The following PAH variants were observed in gnomAD, a reference collection of about 807,000 sequenced individuals.
PAH encodes phenylalanine hydroxylase.
PAH carries 64 observed loss-of-function variants against 62.0 expected under a neutral mutation model. The ratio of observed to expected loss-of-function variants is 1.03; its 90% CI spans 0.84 to 1.27. PAH has a LOEUF of 1.27. Among genes scored for constraint, PAH ranks in the 50% most tolerant of loss-of-function variants. The pLI is 0.00. For synonymous variants in PAH, 195 were observed against 196.2 expected (o/e 0.99, Z 0.05); for missense variants, 579 against 542.8 (o/e 1.07, Z -0.66).
At chr12:102,850,331 A>G (rs1875089006) in intron 8 of PAH, among the ~76,000 whole-genome samples, 1 of 152,226 alleles carries the variant, frequency 6.6e-6, no homozygotes, top group East Asian at 1.9e-4. Flanking sequence ...GAGAGGCTGC[A>G]TCTTACAAGT....
intron 1 of PAH, among the ~76,000 whole-genome samples, chr12:102,934,905 T>A (rs1368572982): frequency 1.3e-5 from 2 of 152,146 alleles, no homozygotes; most frequent in Non-Finnish European, 1.5e-5. Flanking sequence ...ATGCCTTTTA[T>A]TTCTTTCTCT....
intron 5 of PAH, among the ~76,000 whole-genome samples, chr12:102,861,705 A>G (rs909198174): frequency 3.9e-5 from 6 of 152,180 alleles, no homozygotes; most frequent in Admixed American, 3.9e-4. Flanking sequence ...ACTGGAAACC[A>G]TCATTCTCAG....
At chr12:102,940,827 C>G (rs1048060445) in intron 1 of PAH, among the ~76,000 whole-genome samples, 2 of 152,068 alleles carry the variant, frequency 1.3e-5, no homozygotes, top group African/African-American at 4.8e-5. Context: ...CAGAGAACCT[C>G]TGATATACTA....
Position 102,855,172 on chromosome 12 carries a change from T to C in PAH, c.670A>G (p.Ile224Val). The change falls in exon 6 of 13, where the codon ATT becomes GTT. Residue 224 changes from isoleucine (I) to valine (V), a missense_variant. Physicochemically the swap from Ile to Val is conservative, Grantham distance 29 (BLOSUM62 3). Coordinates refer to ENST00000553106, the MANE Select transcript of PAH (RefSeq NM_000277.3). ...TGAGAAACGTCTTCCAGCTGGGGAA[T>C]GTTATCTTCATGGAAGCCACAGTAC... is the stretch of plus-strand genomic sequence containing the variant. ...EKYCGFHEDN[I>V]PQLEDVSQFL... 3 of 1,614,202 alleles carry C rather than the reference T, an allele frequency of 1.9e-6. No individual in the cohort carries two copies. The highest frequency in any genetic ancestry group is 1.1e-5 in the South Asian group (1 of 91,080).
chr12:102,955,289 C>T (rs1037513074), upstream of PAH, among the ~76,000 whole-genome samples: 3 of 152,210 alleles, frequency 2.0e-5, no homozygotes, highest in Admixed American at 6.5e-5. Flanking sequence ...TGCTGGCTAC[C>T]AGCAAATTTT....
At position 102,854,906 on chromosome 12, in the gene PAH, A is replaced by ATC. The variant is rs1875338427; in HGVS notation, c.706+228_706+229dup. 11 of 599,006 alleles carry ATC rather than the reference A, an allele frequency of 1.8e-5. No individual in the cohort carries two copies. In the South Asian group the frequency reaches 2.1e-4, roughly 11 times the overall value. The allele number at this position is 599,006 out of a possible 1,614,324, so 37.1% of individuals were successfully genotyped here. A position where few individuals can be genotyped will look rare whatever the true frequency, so the allele number is the denominator to read the frequency against. ...TTTTCAGGGACAGGTACACGGCAAA[A>ATC]TCCACAGCCTCAGGTGTTTGATTGA... On this transcript the variant is annotated intron_variant, in intron 6 of 12. Coordinates refer to ENST00000553106, the MANE Select transcript of PAH (RefSeq NM_000277.3).
intron 2 of PAH, among the ~76,000 whole-genome samples, chr12:102,897,492 T>TATATATAA (rs1379613102): frequency 5.5e-4 from 75 of 137,454 alleles, no homozygotes; most frequent in African/African-American, 2.3e-3. Context: ...TATATATATA[T>TATATATAA]AATTCAAACT....
chr12:102,917,168 G>T lies in PAH; in HGVS notation c.-38C>A. The T allele has an allele frequency of 6.2e-7, 1 of 1,601,034 alleles. No homozygotes were observed. The highest frequency in any genetic ancestry group is 8.6e-7 in the Non-Finnish European group (1 of 1,168,192). On this transcript the variant is annotated 5_prime_UTR_variant, in exon 1 of 13. Transcript: ENST00000553106. Reference sequence around the variant, plus strand: ...GGAGTGAGGTCTCTGGCTTTTTAGGGCCTCAGGTACAGGCAGGTTTGCAAA... The same window carrying T: ...GGAGTGAGGTCTCTGGCTTTTTAGGTCCTCAGGTACAGGCAGGTTTGCAAA...
intron 5 of PAH, among the ~76,000 whole-genome samples, chr12:102,859,342 C>A (rs1875602730): frequency 6.6e-6 from 1 of 151,976 alleles, no homozygotes; most frequent in African/African-American, 2.4e-5. Flanking sequence ...ATAGCCTACC[C>A]ACCAAAAAAA....
Position 102,840,384 on chromosome 12 carries a change from G to A in PAH, c.1315+16C>T. ...ACTGAGAAACCGAGTGGCCTCGTAAGGTGTAAATTACTTACTGTTAATGGA... is the reference window on the plus strand; with the variant it reads ...ACTGAGAAACCGAGTGGCCTCGTAAAGTGTAAATTACTTACTGTTAATGGA... On this transcript the variant is annotated intron_variant, in intron 12 of 12. Transcript: ENST00000553106. The A allele has an allele frequency of 6.8e-7, 1 of 1,477,350 alleles. No individual in the cohort carries two copies. Among genetic ancestry groups the A allele is most frequent in the East Asian group, 2.3e-5 (1 of 44,262 alleles). 91.5% of individuals were successfully genotyped at this position (1,477,350 alleles called of 1,614,324 possible).
Position 102,852,796 on chromosome 12 carries a change from G to A in PAH, c.842+19C>T. On this transcript the variant is annotated intron_variant, in intron 7 of 12. Coordinates refer to ENST00000553106, the MANE Select transcript of PAH (RefSeq NM_000277.3). ...CGCTCATTGTGCCTGGCAACTGGTAGCTGGAGGACAGTACTCACGGTTCGG... is the reference window on the plus strand; with the variant it reads ...CGCTCATTGTGCCTGGCAACTGGTAACTGGAGGACAGTACTCACGGTTCGG... The A allele has an allele frequency of 6.2e-7, 1 of 1,613,956 alleles. No homozygotes were observed.
In PAH at chr12:102,866,640, A is replaced by G. The variant is rs1875983655; in HGVS notation, c.465T>C (p.Arg155=). Reference sequence around the variant, plus strand: ...TGTCAGCAAACTGCTTCCGTCTTGCACGGTACACAGGATCTTTAAAACCCT... The same window carrying G: ...TGTCAGCAAACTGCTTCCGTCTTGCGCGGTACACAGGATCTTTAAAACCCT... The part of the protein sequence containing the change: ...DHPGFKDPVY[R]ARRKQFADIA... Residue 155 remains arginine (R), a synonymous_variant, in exon 5 of 13, where the codon CGT becomes CGC. Coordinates refer to ENST00000553106, the MANE Select transcript of PAH (RefSeq NM_000277.3). 1 of 1,613,658 alleles carries G rather than the reference A, an allele frequency of 6.2e-7. No homozygotes were observed. The highest frequency in any genetic ancestry group is 1.3e-5 in the African/African-American group (1 of 74,902).
intron 2 of PAH, among the ~76,000 whole-genome samples, chr12:102,904,053 A>G (rs1877874536): frequency 6.6e-6 from 1 of 152,212 alleles, no homozygotes; most frequent in South Asian, 2.1e-4. Context: ...AGTTGGAACA[A>G]TCTACTGAGG....
chr12:102,844,454 G>A (rs1260358269), intron 9 of PAH, 23 bp from the exon 10 acceptor site: 11 of 1,473,074 alleles, frequency 7.5e-6, no homozygotes, highest in Non-Finnish European at 1.0e-5. Flanking sequence ...GTCAATCTGA[G>A]AGCACACTCT....
At chr12:102,902,791 A>G (rs1026418159) in intron 2 of PAH, among the ~76,000 whole-genome samples, 6 of 152,158 alleles carry the variant, frequency 3.9e-5, no homozygotes, top group Admixed American at 2.6e-4. Context: ...CCCAAAGACC[A>G]TCTTTTGGGA....
At chr12:102,843,153 A>G (rs1281245589) in intron 11 of PAH, among the ~76,000 whole-genome samples, 1 of 152,206 alleles carries the variant, frequency 6.6e-6, no homozygotes, top group Non-Finnish European at 1.5e-5. Flanking sequence ...TTCTACCCTC[A>G]TGGAGCTTAC....
intron 5 of PAH, among the ~76,000 whole-genome samples, chr12:102,862,086 A>G (rs1227526690): frequency 6.6e-6 from 1 of 152,180 alleles, no homozygotes; most frequent in African/African-American, 2.4e-5. Flanking sequence ...TCATTCTATC[A>G]TAAAGACACA....
chr12:102,910,563 G>T (rs1163866123), intron 2 of PAH, among the ~76,000 whole-genome samples: 2 of 151,946 alleles, frequency 1.3e-5, no homozygotes, highest in African/African-American at 4.8e-5. Context: ...GTACAGACGG[G>T]GTTTCACCAT....
intron 1 of PAH, among the ~76,000 whole-genome samples, chr12:102,935,366 G>A (rs982447104): frequency 2.0e-5 from 3 of 152,014 alleles, no homozygotes; most frequent in Non-Finnish European, 4.4e-5. Flanking sequence ...CTTTATTCAT[G>A]TGTTTTTATC....
Sources: gnomAD v4.1 joint callset for allele counts (sites outside exome capture counted in the v4.1 genomes callset) on GRCh38, gnomAD v4.1.1 for gene constraint, MANE v1.5 for transcripts, NCBI Gene and HGNC (gene_info 2026-07-23, HGNC 2026-07-21) for gene names.